ADCY10: variants seen among roughly 807,000 people sequenced by gnomAD.
ADCY10 encodes the protein adenylate cyclase 10, also known as adenylate cyclase type 10.
A neutral mutation model predicts 183.3 loss-of-function variants in ADCY10; 156 were observed. The ratio of observed to expected loss-of-function variants is 0.85; its 90% confidence interval spans 0.75 to 0.97. ADCY10 has a LOEUF of 0.97. ADCY10 is among the 50% of genes least tolerant of loss of function. The pLI, the probability that ADCY10 is intolerant of heterozygous loss-of-function variation, is 0.00. For missense variants in ADCY10, 1,745 were observed against 1,934.3 expected, an observed-to-expected ratio of 0.90 and a Z score of 1.84; for synonymous variants, 645 against 670.0, an observed-to-expected ratio of 0.96 and a Z score of 0.58.
Position 167,836,456 on chromosome 1 carries a change from AGG to A in ADCY10, c.3160_3161del (p.Pro1054SerfsTer7). 1 of 1,614,184 alleles carries A rather than the reference AGG, an allele frequency of 6.2e-7. No individual in the cohort carries two copies. The highest frequency in any genetic ancestry group is 8.5e-7 in the Non-Finnish European group (1 of 1,179,984). ...KMKTSDEDII[P>X]LESCQCEEIL... ...TTTCTTCACACTGGCAAGATTCCAG[AGG>A]GATAATGTCTTCGTCAGATGTCTTC... On this transcript the variant is annotated frameshift_variant, in exon 23 of 33. Coordinates refer to ENST00000367851, the MANE Select transcript of ADCY10 (RefSeq NM_018417.6). LOFTEE classifies it high-confidence loss of function.
At chr1:167,849,472 A>G (rs1665310155) in intron 18 of ADCY10, among the ~76,000 whole-genome samples, 1 of 152,238 alleles carries the variant, frequency 6.6e-6, no homozygotes, top group Admixed American at 6.5e-5. Context: ...ATGTACACTA[A>G]GAGCTGGACT....
Position 167,836,290 on chromosome 1 carries a change from C to G in ADCY10, c.3309+19G>C, listed in dbSNP as rs1294010064. ...GAATTGTCTCTAGGGTGGAGGTGGT[C>G]TGGGTAGAAACAGCTTACCATGTAG... On this transcript the variant is annotated intron_variant, in intron 23 of 32. Coordinates refer to ENST00000367851, the MANE Select transcript of ADCY10 (RefSeq NM_018417.6). 3.2e-6 allele frequency: 5 copies of G among 1,546,486 alleles called. No homozygotes were observed. The South Asian group carries it at 5.6e-5, about 17-fold the overall frequency.
Position 167,883,577 on chromosome 1 carries a change from T to TCGTCACTGGG in ADCY10, c.870_879dup (p.Ile294ProfsTer12). On this transcript the variant is annotated frameshift_variant, in exon 9 of 33. Coordinates refer to ENST00000367851, the MANE Select transcript of ADCY10 (RefSeq NM_018417.6). LOFTEE classifies it high-confidence loss of function. ...TCAAACATCAGGTTCACAAACACAA[T>TCGTCACTGGG]CGTCACTGGGCGAAGCTCAGATAAA... 6.2e-7 allele frequency: 1 copy of TCGTCACTGGG among 1,614,210 alleles called. No individual in the cohort carries two copies. Among genetic ancestry groups the TCGTCACTGGG allele is most frequent in the East Asian group, 2.2e-5 (1 of 44,878 alleles).
At chr1:167,872,017 A>G (rs1667137029) in intron 13 of ADCY10, among the ~76,000 whole-genome samples, 1 of 152,120 alleles carries the variant, frequency 6.6e-6, no homozygotes, top group African/African-American at 2.4e-5. Context: ...AACTTAAAGT[A>G]TAATAATAAA....
At chr1:167,839,036 C>T (rs1480390192) in intron 21 of ADCY10, among the ~76,000 whole-genome samples, 1 of 152,244 alleles carries the variant, frequency 6.6e-6, no homozygotes, top group Non-Finnish European at 1.5e-5. Context: ...ACAGCACCAC[C>T]TCAGTCCATT....
Position 167,899,542 on chromosome 1 carries a change from C to T in ADCY10, c.523G>A (p.Val175Met). The T allele has an allele frequency of 6.2e-7, 1 of 1,614,268 alleles. No individual in the cohort carries two copies. Among genetic ancestry groups the T allele is most frequent in the Non-Finnish European group, 8.5e-7 (1 of 1,180,060 alleles). The change falls in exon 6 of 33, where the codon GTG (valine) becomes ATG (methionine). Residue 175 changes from valine to methionine, a missense_variant. Transcript: ENST00000367851. ...FLVIGQAVDD[V>M]RLAQNMAQMN... ...TGAGCCATGTTCTGGGCAAGGCGCA[C>T]ATCGTCCACTGCCTGACCAATCACC...
chr1:167,897,162 T>C (rs7549490), intron 6 of ADCY10, among the ~76,000 whole-genome samples: 9,952 of 150,122 alleles, frequency 0.066, 385 homozygotes, highest in Middle Eastern at 0.11. Flanking sequence ...CTCATTTTTG[T>C]GGTATTCTTG....
At chr1:167,841,968 T>C (rs1224496378) in intron 21 of ADCY10, among the ~76,000 whole-genome samples, 1 of 151,906 alleles carries the variant, frequency 6.6e-6, no homozygotes, top group African/African-American at 2.4e-5. Context: ...GTGAGAAGAG[T>C]AGTCACTGAT....
Position 167,883,504 on chromosome 1 carries a change from T to A in ADCY10, c.953A>T (p.Tyr318Phe), listed in dbSNP as rs1558230599. The change falls in exon 9 of 33, where the codon TAT (tyrosine) becomes TTT (phenylalanine). Residue 318 changes from tyrosine to phenylalanine, a missense_variant. Coordinates refer to ENST00000367851, the MANE Select transcript of ADCY10 (RefSeq NM_018417.6). ...CTTCAGGACAGAAGTGATGTGCATA[T>A]AGGCATCCTGGATGGCTGGGCCTAT... ...EEIGPAIQDA[Y>F]MHITSVLKIF... 1 of 1,614,142 alleles carries A rather than the reference T, an allele frequency of 6.2e-7. No individual in the cohort carries two copies. Among genetic ancestry groups the A allele is most frequent in the African/African-American group, 1.3e-5 (1 of 74,948 alleles).
chr1:167,902,008 C>T lies in ADCY10; in HGVS notation c.292+8G>A. 6.2e-7 allele frequency: 1 copy of T among 1,613,748 alleles called. No individual in the cohort carries two copies. The highest frequency in any genetic ancestry group is 8.5e-7 in the Non-Finnish European group (1 of 1,179,940). ...TCTTACCCCTTCTATCTTAGTAAGC[C>T]CCCATACCTGCAAATTTCAGGATGT... On this transcript the variant is annotated splice_region_variant and intron_variant, in intron 4 of 32. Coordinates refer to ENST00000367851, the MANE Select transcript of ADCY10 (RefSeq NM_018417.6).
chr1:167,912,935 T>C (rs1469300575), intron 1 of ADCY10, among the ~76,000 whole-genome samples: 1 of 152,258 alleles, frequency 6.6e-6, no homozygotes, highest in African/African-American at 2.4e-5. Flanking sequence ...TCCAGGTCTG[T>C]GGGACTTGAA....
At chr1:167,849,615 T>G (rs1041379572) in intron 18 of ADCY10, among the ~76,000 whole-genome samples, 2 of 152,238 alleles carry the variant, frequency 1.3e-5, no homozygotes, top group African/African-American at 2.4e-5. Flanking sequence ...GAATAACACA[T>G]GCTTCCAGCC....
At chr1:167,869,814 G>C (rs999646856) in intron 14 of ADCY10, among the ~76,000 whole-genome samples, 1 of 151,818 alleles carries the variant, frequency 6.6e-6, no homozygotes, top group African/African-American at 2.4e-5. Flanking sequence ...ATTTTGAGAC[G>C]CTAGCCTGCC....
At chr1:167,862,039 C>T (rs1666324627) in intron 14 of ADCY10, among the ~76,000 whole-genome samples, 1 of 152,234 alleles carries the variant, frequency 6.6e-6, no homozygotes, top group Non-Finnish European at 1.5e-5. Context: ...AATGAAACCT[C>T]TTTTCTTTAT....
chr1:167,833,276 G>C (rs1558161007), intron 24 of ADCY10, 114 bp from the exon 25 acceptor site: 6 of 991,128 alleles, frequency 6.1e-6, no homozygotes, highest in Non-Finnish European at 9.5e-6. Flanking sequence ...GTAATTTATG[G>C]ACCAGAAACA....
intron 31 of ADCY10, among the ~76,000 whole-genome samples, chr1:167,815,237 A>G (rs1317650778): frequency 1.3e-5 from 2 of 152,176 alleles, no homozygotes; most frequent in Non-Finnish European, 2.9e-5. Context: ...CTCTCAGTAA[A>G]TATTGGAGGA....
chr1:167,846,403 G>T, intron 19 of ADCY10, 140 bp from the exon 20 acceptor site: 2 of 1,072,408 alleles, frequency 1.9e-6, no homozygotes, highest in Non-Finnish European at 1.4e-6. Context: ...GTCAAAAGAA[G>T]TATTTGTTTA....
rs1667354099 is a variant in ADCY10 at position 167,875,047 on chromosome 1, G to T, written c.1462+84C>A. The T allele has an allele frequency of 2.7e-6, 3 of 1,100,350 alleles. No individual in the cohort carries two copies. In the South Asian group the frequency reaches 3.7e-5, roughly 14 times the overall value. 68.2% of individuals were successfully genotyped at this position (1,100,350 alleles called of 1,614,324 possible). A position where few individuals can be genotyped will look rare whatever the true frequency, so the allele number is the denominator to read the frequency against. ...TTTTCATTTTGTGATAATTCATTAA[G>T]CTGCACAGTTATCATTGATGTACTT... On this transcript the variant is annotated intron_variant, in intron 13 of 32. Transcript: ENST00000367851.
chr1:167,822,464 C>T (rs1180293984), intron 29 of ADCY10, among the ~76,000 whole-genome samples: 1 of 152,190 alleles, frequency 6.6e-6, no homozygotes, highest in African/African-American at 2.4e-5. Context: ...TTGTTGATGG[C>T]AATGTCTGCA....
Sources: allele counts gnomAD v4.1 joint callset (sites outside exome capture counted in the v4.1 genomes callset), GRCh38; gene constraint gnomAD v4.1.1; transcripts MANE v1.5; gene names NCBI Gene and HGNC (gene_info 2026-07-23, HGNC 2026-07-21).